AFAP1: variants seen among roughly 807,000 people sequenced by gnomAD.
The protein encoded by AFAP1 is actin filament associated protein 1.
A neutral mutation model predicts 93.9 loss-of-function variants in AFAP1; 75 were observed. The ratio of observed to expected loss-of-function variants is 0.80; its 90% CI spans 0.66 to 0.97. The LOEUF (loss-of-function observed/expected upper bound fraction) is 0.97, where lower values mean the gene tolerates loss of function less well. Among genes scored for constraint, AFAP1 ranks in the 50% least tolerant of loss-of-function variants. AFAP1 has a pLI of 0.00. For missense variants in AFAP1, 1,201 were observed against 1,050.8 expected (o/e 1.14, Z -1.98); for synonymous variants, 517 against 430.7 (o/e 1.20, Z -2.48).
Position 7,814,841 on chromosome 4 carries a change from G to A in AFAP1, c.904+1177C>T, listed in dbSNP as rs189788006. Among the ~76,000 whole-genome samples, 13 of 152,164 alleles carry A rather than the reference G, an allele frequency of 8.5e-5. No homozygotes were observed. In the East Asian group the frequency reaches 2.3e-3, roughly 27 times the overall value. The stretch of plus-strand genomic sequence containing the variant: ...TGATTGTGGTGATGGTTCTGTGCCT[G>A]TCAGTGTTTGTCAAAACTCACCAAC... On this transcript the variant is annotated intron_variant, in intron 8 of 17. Coordinates refer to ENST00000420658, the MANE Select transcript of AFAP1 (RefSeq NM_001134647.2).
intron 6 of AFAP1, among the ~76,000 whole-genome samples, chr4:7,827,152 G>T (rs375942998): frequency 1.3e-5 from 2 of 152,118 alleles, no homozygotes; most frequent in South Asian, 2.1e-4. Flanking sequence ...CCGTAAGCCC[G>T]AGTACAGGTA....
At chr4:7,839,708 G>C (rs1712759515) in intron 5 of AFAP1, among the ~76,000 whole-genome samples, 1 of 152,124 alleles carries the variant, frequency 6.6e-6, no homozygotes, top group Non-Finnish European at 1.5e-5. Flanking sequence ...AATGGCTCTT[G>C]CTTAATCTTT....
At chr4:7,847,673 T>C (rs1713879018) in intron 4 of AFAP1, among the ~76,000 whole-genome samples, 1 of 151,840 alleles carries the variant, frequency 6.6e-6, no homozygotes, top group African/African-American at 2.4e-5. Context: ...TTGTGAAAAA[T>C]TATGAACAAC....
At chr4:7,787,781 G>T (rs547759098) in intron 11 of AFAP1, among the ~76,000 whole-genome samples, 2 of 152,272 alleles carry the variant, frequency 1.3e-5, no homozygotes, top group Admixed American at 6.5e-5. Flanking sequence ...TGCTGCCCAG[G>T]GCCTCGGGGC....
In AFAP1 at chr4:7,800,550, A is replaced by G. The variant is rs1718925883; in HGVS notation, c.1158T>C (p.His386=). ...FHKDRTDLKT[H]IVSIPLRGCE... ...AGCCACGGAGCGGAATAGACACAATATGGGTCTTCAGGTCGGTCCTGTCCT... is the reference window on the plus strand; with the variant it reads ...AGCCACGGAGCGGAATAGACACAATGTGGGTCTTCAGGTCGGTCCTGTCCT... The change falls in exon 10 of 18, where the codon CAT becomes CAC. Residue 386 remains histidine (H), a synonymous_variant. Transcript: ENST00000420658. 1.2e-6 allele frequency: 2 copies of G among 1,614,140 alleles called. No individual in the cohort carries two copies. The highest frequency in any genetic ancestry group is 1.7e-5 in the Admixed American group (1 of 60,014).
At position 7,868,588 on chromosome 4, in the gene AFAP1, C is replaced by T. The variant is rs765597178; in HGVS notation, c.225+34G>A. The T allele has an allele frequency of 1.0e-5, 16 of 1,592,190 alleles. 1 individual carries two copies. The highest frequency in any genetic ancestry group is 9.4e-5 in the African/African-American group (7 of 74,332). On this transcript the variant is annotated intron_variant, in intron 3 of 17. Coordinates refer to ENST00000420658, the MANE Select transcript of AFAP1 (RefSeq NM_001134647.2). The stretch of plus-strand genomic sequence containing the variant: ...CCCGTAAGTACCCCCAGGCCTCCAG[C>T]GATGACCACTGAGATGGTGGGACCT...
At chr4:7,764,854 C>A (rs1714331932) in intron 17 of AFAP1, among the ~76,000 whole-genome samples, 1 of 152,224 alleles carries the variant, frequency 6.6e-6, no homozygotes, top group African/African-American at 2.4e-5. Flanking sequence ...GGAATCCCAG[C>A]ACTTGGAGAG....
intron 1 of AFAP1, among the ~76,000 whole-genome samples, chr4:7,937,952 A>C (rs1721485895): frequency 6.6e-6 from 1 of 152,218 alleles, no homozygotes; most frequent in African/African-American, 2.4e-5. Context: ...ATTTACCCGC[A>C]TGCACAAACT....
chr4:7,772,572 G>A (rs1417771654), intron 16 of AFAP1: 1 of 504,648 alleles, frequency 2.0e-6, no homozygotes, highest in Non-Finnish European at 3.5e-6. Flanking sequence ...TTGTGCAAAG[G>A]GGAAAGACAC....
At chr4:7,861,663 G>A (rs1393380371) in intron 3 of AFAP1, among the ~76,000 whole-genome samples, 1 of 152,220 alleles carries the variant, frequency 6.6e-6, no homozygotes, top group African/African-American at 2.4e-5. Context: ...CAGATGGAAG[G>A]CGAGGCAGCC....
intron 6 of AFAP1, among the ~76,000 whole-genome samples, chr4:7,834,076 TAAAG>T (rs946441142): frequency 1.5e-5 from 2 of 130,260 alleles, no homozygotes; most frequent in Non-Finnish European, 1.6e-5. Flanking sequence ...AACAAGTTGA[TAAAG>T]AAACTGTGGC....
At chr4:7,901,688 C>G (rs7699336) in intron 1 of AFAP1, among the ~76,000 whole-genome samples, 2 of 152,210 alleles carry the variant, frequency 1.3e-5, no homozygotes, top group South Asian at 2.1e-4. Flanking sequence ...CCTCCCTGTA[C>G]ACACACTCGG....
intron 10 of AFAP1, among the ~76,000 whole-genome samples, chr4:7,795,708 G>A (rs11723068): frequency 0.099 from 14,930 of 151,486 alleles, 1,261 homozygotes; most frequent in East Asian, 0.48. Context: ...TACAGCACCC[G>A]GCAAACAAAA....
chr4:7,793,562 G>A, intron 11 of AFAP1, 119 bp downstream of exon 11: 3 of 1,165,070 alleles, frequency 2.6e-6, no homozygotes, highest in Non-Finnish European at 3.4e-6. Flanking sequence ...TAATGCAAAA[G>A]GGAAAGTCTT....
intron 13 of AFAP1, among the ~76,000 whole-genome samples, 169 bp downstream of exon 13, chr4:7,781,207 A>G (rs1235165657): frequency 6.6e-6 from 1 of 152,204 alleles, no homozygotes; most frequent in Admixed American, 6.5e-5. Flanking sequence ...CGTTAGAAAT[A>G]TCTCATCAGT....
chr4:7,841,997 C>T (rs993372825), intron 5 of AFAP1, among the ~76,000 whole-genome samples: 1 of 152,250 alleles, frequency 6.6e-6, no homozygotes, highest in East Asian at 1.9e-4. Flanking sequence ...TTGGAAGCTT[C>T]TCTTTTAAAT....
At chr4:7,827,589 A>AAAAAAAAAAAAAAAAAAAAC (rs1721543792) in intron 6 of AFAP1, among the ~76,000 whole-genome samples, 1 of 149,430 alleles carries the variant, frequency 6.7e-6, no homozygotes, top group African/African-American at 2.5e-5. Context: ...AAAAAAAAAA[A>AAAAAAAAAAAAAAAAAAAAC]AGGGAGAGGA....
chr4:7,815,162 C>A lies in AFAP1; in HGVS notation c.904+856G>T, dbSNP rs186705732. On this transcript the variant is annotated intron_variant, in intron 8 of 17. Coordinates refer to ENST00000420658, the MANE Select transcript of AFAP1 (RefSeq NM_001134647.2). Reference sequence around the variant, plus strand: ...AGTGGAATAAGCACTCACAGAAGGACACGGCCTGTAGGACTCCACTTCAAT... The same window carrying A: ...AGTGGAATAAGCACTCACAGAAGGAAACGGCCTGTAGGACTCCACTTCAAT... Among the ~76,000 whole-genome samples the A allele has an allele frequency of 5.3e-5, 8 of 152,240 alleles. No individual in the cohort carries two copies. The East Asian group carries it at 1.6e-3, about 30-fold the overall frequency.
intron 4 of AFAP1, among the ~76,000 whole-genome samples, chr4:7,852,255 C>G (rs1259373201): frequency 1.3e-5 from 2 of 152,166 alleles, no homozygotes; most frequent in Admixed American, 6.5e-5. Context: ...ACTATTACCC[C>G]CAGTGACCCA....
Sources: gnomAD v4.1 joint callset for allele counts (sites outside exome capture counted in the v4.1 genomes callset) on GRCh38, gnomAD v4.1.1 for gene constraint, MANE v1.5 for transcripts, NCBI Gene and HGNC (gene_info 2026-07-23, HGNC 2026-07-21) for gene names.